DERA: variants seen among roughly 807,000 people sequenced by gnomAD.
DERA encodes the protein deoxyribose-phosphate aldolase, also known as 2-deoxy-D-ribose 5-phosphate aldolase.
Under a neutral mutation model 41.1 loss-of-function variants are expected in DERA, and 15 were observed. The observed-to-expected ratio is 0.37, with a 90% CI of 0.24 to 0.56. The LOEUF (loss-of-function observed/expected upper bound fraction) is 0.56, where lower values mean the gene tolerates loss of function less well. DERA is among the 20% of genes least tolerant of loss of function. The pLI is 0.81. For missense variants in DERA, 396 were observed against 403.4 expected (o/e 0.98, Z 0.16); for synonymous variants, 139 against 137.4 (o/e 1.01, Z -0.08).
At chr12:15,952,839 A>T (rs1948508908) in intron 1 of DERA, among the ~76,000 whole-genome samples, 1 of 152,250 alleles carries the variant, frequency 6.6e-6, no homozygotes, top group South Asian at 2.1e-4. Context: ...CAGTCAAACA[A>T]GCCACATTCA....
rs201456397 is a variant in DERA at position 15,992,069 on chromosome 12, AT to A, written c.637+9647del. Among the ~76,000 whole-genome samples the A allele has an allele frequency of 9.3e-4, 135 of 145,364 alleles. No homozygotes were observed. The highest frequency in any genetic ancestry group is 3.6e-3 in the Middle Eastern group (1 of 280). On this transcript the variant is annotated intron_variant, in intron 6 of 8. Coordinates refer to ENST00000428559, the MANE Select transcript of DERA (RefSeq NM_015954.4). This position sits in a 1 kb window ranked among gnomAD's most constrained non-coding sequence, Gnocchi z 4.3. Reference sequence around the variant, plus strand: ...CAGCATCAACTGTTTTACCTGTTAGATTTTTTTTTTTTTTCAAAACTGTGCT... The same window carrying A: ...CAGCATCAACTGTTTTACCTGTTAGATTTTTTTTTTTTTCAAAACTGTGCT...
At position 15,941,136 on chromosome 12, in the gene DERA, G is replaced by A. The variant is rs780200365; in HGVS notation, c.32-15800G>A. Among the ~76,000 whole-genome samples, 3 of 152,172 alleles carry A rather than the reference G, an allele frequency of 2.0e-5. No homozygotes were observed. The highest frequency in any genetic ancestry group is 4.4e-5 in the Non-Finnish European group (3 of 68,034). On this transcript the variant is annotated intron_variant, in intron 1 of 8. Coordinates refer to ENST00000428559, the MANE Select transcript of DERA (RefSeq NM_015954.4). This position sits in a 1 kb window ranked among gnomAD's most constrained non-coding sequence, Gnocchi z 4.5. Reference sequence around the variant, plus strand: ...AAATCATAAAAGCATTGCTTTCAGTGTGCTCTCTGCAAGGAACCTAGTGAT... The same window carrying A: ...AAATCATAAAAGCATTGCTTTCAGTATGCTCTCTGCAAGGAACCTAGTGAT...
intron 1 of DERA, among the ~76,000 whole-genome samples, chr12:15,932,822 G>C (rs1347233895): frequency 6.6e-6 from 1 of 152,032 alleles, no homozygotes; most frequent in African/African-American, 2.4e-5. Context: ...CGAAATTTTT[G>C]TACCCTTTGA....
chr12:16,025,570 C>G (rs148360021), intron 6 of DERA, among the ~76,000 whole-genome samples: 3 of 152,042 alleles, frequency 2.0e-5, no homozygotes, highest in African/African-American at 7.2e-5. Context: ...TTTTATAGAA[C>G]TGAAAAAAAG....
intron 1 of DERA, among the ~76,000 whole-genome samples, chr12:15,927,644 A>G (rs1948297052): frequency 1.3e-5 from 2 of 152,224 alleles, no homozygotes; most frequent in Admixed American, 6.5e-5. Flanking sequence ...CAACTTGCCC[A>G]TAGTCATACG....
chr12:16,029,271 AAGTT>A (rs1442374444), intron 6 of DERA, among the ~76,000 whole-genome samples: 1 of 152,062 alleles, frequency 6.6e-6, no homozygotes, highest in Non-Finnish European at 1.5e-5. Context: ...AAAATACAAA[AAGTT>A]AGCCGGGCGT....
At chr12:15,923,573 T>G (rs1319335732) in intron 1 of DERA, among the ~76,000 whole-genome samples, 2 of 152,206 alleles carry the variant, frequency 1.3e-5, no homozygotes, top group African/African-American at 2.4e-5. Context: ...CACATTATAT[T>G]TTCTCTTTCT....
rs76447846 is a variant in DERA, at chr12:15,936,818, C to T, written c.32-20118C>T. ...TTGTCTGATTATTTTCTAGTGATGTCATTTAACTTATTTCTGCATCTTCTG... is the reference window on the plus strand; with the variant it reads ...TTGTCTGATTATTTTCTAGTGATGTTATTTAACTTATTTCTGCATCTTCTG... On this transcript the variant is annotated intron_variant, in intron 1 of 8. Transcript: ENST00000428559. The surrounding 1 kb of genome is among the most constrained non-coding windows in gnomAD (Gnocchi z 4.6). Among the ~76,000 whole-genome samples the T allele has an allele frequency of 5.9e-3, 890 of 151,940 alleles. 10 individuals are homozygous for T. The highest frequency in any genetic ancestry group is 0.014 in the Middle Eastern group (4 of 294).
intron 4 of DERA, among the ~76,000 whole-genome samples, chr12:15,961,067 A>T (rs1002974859): frequency 6.6e-6 from 1 of 152,244 alleles, no homozygotes; most frequent in Non-Finnish European, 1.5e-5. Context: ...GCGTGACGTG[A>T]TCAGCTTCAT....
rs867445629 is a variant in DERA at position 15,941,337 on chromosome 12, C to T, written c.32-15599C>T. On this transcript the variant is annotated intron_variant, in intron 1 of 8. Coordinates refer to ENST00000428559, the MANE Select transcript of DERA (RefSeq NM_015954.4). This position sits in a 1 kb window ranked among gnomAD's most constrained non-coding sequence, Gnocchi z 4.5. The stretch of plus-strand genomic sequence containing the variant: ...CAGTGTTGAATACTTCTCCTACTGC[C>T]ACCCAAGAGTAGAAGGACTTAGCCG... Among the ~76,000 whole-genome samples, 7 of 152,134 alleles carry T rather than the reference C, an allele frequency of 4.6e-5. No homozygotes were observed. Among genetic ancestry groups the T allele is most frequent in the Admixed American group, 1.3e-4 (2 of 15,272 alleles).
At position 15,993,495 on chromosome 12, in the gene DERA, T is replaced by TAAAAA. The variant is rs796777302; in HGVS notation, c.637+11063_637+11067dup. ...GTGTTGTGGCCTTTTTTTTTTTTTT[T>TAAAAA]AAAAAAAATAAGATCTTGCCTTTCA... On this transcript the variant is annotated intron_variant, in intron 6 of 8. Coordinates refer to ENST00000428559, the MANE Select transcript of DERA (RefSeq NM_015954.4). This position sits in a 1 kb window ranked among gnomAD's most constrained non-coding sequence, Gnocchi z 4.4. Among the ~76,000 whole-genome samples, 8 of 149,308 alleles carry TAAAAA rather than the reference T, an allele frequency of 5.4e-5. No individual in the cohort carries two copies. Among genetic ancestry groups the TAAAAA allele is most frequent in the African/African-American group, 2.0e-4 (8 of 40,442 alleles).
chr12:16,026,935 C>T lies in DERA; in HGVS notation c.638-5607C>T, dbSNP rs1204981821. On this transcript the variant is annotated intron_variant, in intron 6 of 8. Coordinates refer to ENST00000428559, the MANE Select transcript of DERA (RefSeq NM_015954.4). This position sits in a 1 kb window ranked among gnomAD's most constrained non-coding sequence, Gnocchi z 4.4. ...CAAAATATTAGCAAAATGAGTCCAA[C>T]AATGTATAAAACTAATTATATGCCA... Among the ~76,000 whole-genome samples, 1 of 152,096 alleles carries T rather than the reference C, an allele frequency of 6.6e-6. No individual in the cohort carries two copies. The highest frequency in any genetic ancestry group is 1.5e-5 in the Non-Finnish European group (1 of 68,004).
rs1948522014 is a variant in DERA at position 15,954,404 on chromosome 12, T to C, written c.32-2532T>C. On this transcript the variant is annotated intron_variant, in intron 1 of 8. Transcript: ENST00000428559. This position sits in a 1 kb window ranked among gnomAD's most constrained non-coding sequence, Gnocchi z 4.0. ...ACTAAAGGTGGAATGCAGAGTTTCA[T>C]GGAAGCACGAAGAAGCAAAGGGATG... Among the ~76,000 whole-genome samples, 1 of 152,182 alleles carries C rather than the reference T, an allele frequency of 6.6e-6. No individual in the cohort carries two copies. The highest frequency in any genetic ancestry group is 2.4e-5 in the African/African-American group (1 of 41,442).
At position 16,004,660 on chromosome 12, in the gene DERA, GTACGATGAC is replaced by G. The variant is rs376132010; in HGVS notation, c.637+22225_637+22233del. ...GTGGGTGTTTATGCATGTATCCTTTGTACGATGACAACAATGACAACAAATGACTTAGTG... is the reference window on the plus strand; with the variant it reads ...GTGGGTGTTTATGCATGTATCCTTTGAACAATGACAACAAATGACTTAGTG... On this transcript the variant is annotated intron_variant, in intron 6 of 8. Coordinates refer to ENST00000428559, the MANE Select transcript of DERA (RefSeq NM_015954.4). This position sits in a 1 kb window ranked among gnomAD's most constrained non-coding sequence, Gnocchi z 4.2. 3.3e-5 allele frequency among the ~76,000 whole-genome samples: 5 copies of G among 152,242 alleles called. No homozygotes were observed. Among genetic ancestry groups the G allele is most frequent in the African/African-American group, 1.2e-4 (5 of 41,546 alleles).
rs1261788445 is a variant in DERA at position 15,921,972 on chromosome 12, A to G, written c.31+10558A>G. Among the ~76,000 whole-genome samples, 1 of 152,094 alleles carries G rather than the reference A, an allele frequency of 6.6e-6. No individual in the cohort carries two copies. The highest frequency in any genetic ancestry group is 1.5e-5 in the Non-Finnish European group (1 of 68,024). On this transcript the variant is annotated intron_variant, in intron 1 of 8. Transcript: ENST00000428559. The surrounding 1 kb of genome is among the most constrained non-coding windows in gnomAD (Gnocchi z 5.3). ...TAATTTTCCAAGGAATAAACAAGAAATGTATTTTAGTTTTGTGTCTTTATA... is the reference window on the plus strand; with the variant it reads ...TAATTTTCCAAGGAATAAACAAGAAGTGTATTTTAGTTTTGTGTCTTTATA...
At chr12:15,925,606 T>C (rs943961747) in intron 1 of DERA, among the ~76,000 whole-genome samples, 1 of 152,198 alleles carries the variant, frequency 6.6e-6, no homozygotes, top group African/African-American at 2.4e-5. Flanking sequence ...TTATAACTTA[T>C]CTGTAAATTA....
In DERA at chr12:15,921,317, A is replaced by G. The variant is rs1182196131; in HGVS notation, c.31+9903A>G. ...AAGGATATAATCAGTGTTCTTGATG[A>G]TTTTGGAAATTGACATAAGGATATC... On this transcript the variant is annotated intron_variant, in intron 1 of 8. Transcript: ENST00000428559. This position sits in a 1 kb window ranked among gnomAD's most constrained non-coding sequence, Gnocchi z 5.3. Among the ~76,000 whole-genome samples, 1 of 152,128 alleles carries G rather than the reference A, an allele frequency of 6.6e-6. No homozygotes were observed. The highest frequency in any genetic ancestry group is 1.9e-4 in the East Asian group (1 of 5,186).
In DERA at chr12:15,985,288, A is replaced by AATAAGAG. The variant is rs1401770077; in HGVS notation, c.637+2862_637+2868dup. The AATAAGAG allele has an allele frequency of 6.6e-6, 1 of 152,252 alleles. No individual in the cohort carries two copies. Among genetic ancestry groups the AATAAGAG allele is most frequent in the African/African-American group, 2.4e-5 (1 of 41,464 alleles). 9.4% of individuals were successfully genotyped at this position (152,252 alleles called of 1,614,324 possible). ...TTTGGTTTGTTTTGCCCTCACTAAA[A>AATAAGAG]ATAAGAGATAAGAGATCTTAAGGAG... On this transcript the variant is annotated intron_variant, in intron 6 of 8. Transcript: ENST00000428559. This position sits in a 1 kb window ranked among gnomAD's most constrained non-coding sequence, Gnocchi z 4.2.
At position 16,001,702 on chromosome 12, in the gene DERA, A is replaced by T. The variant is rs1024551960; in HGVS notation, c.637+19266A>T. Among the ~76,000 whole-genome samples the T allele has an allele frequency of 6.6e-6, 1 of 152,176 alleles. No individual in the cohort carries two copies. Among genetic ancestry groups the T allele is most frequent in the Non-Finnish European group, 1.5e-5 (1 of 68,034 alleles). Reference sequence around the variant, plus strand: ...TACAACTGAGGAAGGACAAGAATAAATGGTATCAGAGGAGAAATTTTCCCA... The same window carrying T: ...TACAACTGAGGAAGGACAAGAATAATTGGTATCAGAGGAGAAATTTTCCCA... On this transcript the variant is annotated intron_variant, in intron 6 of 8. Coordinates refer to ENST00000428559, the MANE Select transcript of DERA (RefSeq NM_015954.4). This position sits in a 1 kb window ranked among gnomAD's most constrained non-coding sequence, Gnocchi z 4.1.
Sources: gnomAD v4.1 joint callset for allele counts (sites outside exome capture counted in the v4.1 genomes callset) on GRCh38, gnomAD v4.1.1 for gene constraint, Gnocchi (gnomAD v3.1) non-coding constraint, MANE v1.5 for transcripts, NCBI Gene and HGNC (gene_info 2026-07-23, HGNC 2026-07-21) for gene names.